Variants in CDKAL1 observed in about 807,000 individuals in gnomAD.
CDKAL1 encodes the protein threonylcarbamoyladenosine tRNA methylthiotransferase.
A neutral mutation model predicts 68.2 loss-of-function variants in CDKAL1; 32 were observed. That is an observed-to-expected ratio of 0.47 (90% CI 0.35 to 0.63). The LOEUF is 0.63. Among genes scored for constraint, CDKAL1 ranks in the 30% least tolerant of loss-of-function variants. The pLI is 0.00. For synonymous variants in CDKAL1, 234 were observed against 244.3 expected (o/e 0.96, Z 0.39); for missense variants, 606 against 696.7 (o/e 0.87, Z 1.47).
chr6:21,025,277 G>A (rs1768893345), intron 11 of CDKAL1, among the ~76,000 whole-genome samples: 1 of 152,082 alleles, frequency 6.6e-6, no homozygotes, highest in Non-Finnish European at 1.5e-5. Context: ...TCTTTCATCA[G>A]TGTCATTCAT....
At chr6:20,802,663 C>CT in intron 8 of CDKAL1, among the ~76,000 whole-genome samples, 1 of 152,116 alleles carries the variant, frequency 6.6e-6, no homozygotes, top group Admixed American at 6.5e-5. Context: ...CAAAACAGGC[C>CT]TTACAGTGAT....
chr6:21,093,997 G>A (rs1290666998), intron 12 of CDKAL1, among the ~76,000 whole-genome samples: 1 of 150,238 alleles, frequency 6.7e-6, no homozygotes, highest in Non-Finnish European at 1.5e-5. Context: ...CTACCAAAGT[G>A]CTGGGACTAC....
intron 12 of CDKAL1, among the ~76,000 whole-genome samples, chr6:21,099,774 T>C (rs942769489): frequency 5.3e-5 from 8 of 152,358 alleles, no homozygotes; most frequent in African/African-American, 1.7e-4. Context: ...CCTTTGACTT[T>C]GTCTTTTTAT....
At chr6:20,932,732 C>T (rs755675434) in intron 9 of CDKAL1, among the ~76,000 whole-genome samples, 30 of 152,194 alleles carry the variant, frequency 2.0e-4, no homozygotes, top group Middle Eastern at 3.4e-3. Context: ...CTTGCCAACA[C>T]CAAAAATGTT....
intron 4 of CDKAL1, among the ~76,000 whole-genome samples, chr6:20,610,702 TAATAA>T (rs1766581765): frequency 6.6e-6 from 1 of 151,994 alleles, no homozygotes; most frequent in Non-Finnish European, 1.5e-5. Flanking sequence ...AAACAAACAT[TAATAA>T]AATATAAAAG....
chr6:20,635,222 T>C (rs1268416155), intron 4 of CDKAL1, among the ~76,000 whole-genome samples: 3 of 152,126 alleles, frequency 2.0e-5, no homozygotes, highest in Non-Finnish European at 4.4e-5. Flanking sequence ...GAGGCACTGA[T>C]GGAAGACTGG....
intron 12 of CDKAL1, among the ~76,000 whole-genome samples, chr6:21,075,729 A>T (rs1772035996): frequency 6.6e-6 from 1 of 152,156 alleles, no homozygotes; most frequent in African/African-American, 2.4e-5. Flanking sequence ...CATTTGAAGT[A>T]ATTCCAGTAG....
intron 5 of CDKAL1, among the ~76,000 whole-genome samples, chr6:20,730,422 GA>G (rs1772859426): frequency 7.3e-6 from 1 of 136,566 alleles, no homozygotes; most frequent in African/African-American, 2.8e-5. Context: ...AGAAAGAAAA[GA>G]AAGGAAGAAA....
chr6:21,000,414 CT>C, intron 11 of CDKAL1, 42 bp downstream of exon 11: 1 of 1,546,450 alleles, frequency 6.5e-7, no homozygotes, highest in Non-Finnish European at 8.8e-7. Context: ...TTTCTTTTTT[CT>C]TTCAAAAGCT....
rs187992793 is a variant in CDKAL1 at position 20,553,154 on chromosome 6, G to A, written c.286+4449G>A. Among the ~76,000 whole-genome samples, 223 of 152,254 alleles carry A rather than the reference G, an allele frequency of 1.5e-3. 2 individuals carry two copies. In the South Asian group the frequency reaches 0.02, roughly 13 times the overall value. On this transcript the variant is annotated intron_variant, in intron 4 of 15. Coordinates refer to ENST00000274695, the MANE Select transcript of CDKAL1 (RefSeq NM_017774.3). Reference sequence around the variant, plus strand: ...ATCATTTGGGGAAGAAAGATTATGTGGGTATGTATTTGAAATTGCTGCTTT... The same window carrying A: ...ATCATTTGGGGAAGAAAGATTATGTAGGTATGTATTTGAAATTGCTGCTTT...
rs186701715 is a variant in CDKAL1, at chr6:20,575,385, G to A, written c.286+26680G>A. On this transcript the variant is annotated intron_variant, in intron 4 of 15. Transcript: ENST00000274695. ...ATTATGTCTGCGGGGACCATCTGCT[G>A]TGGTTCCCAGTCTTGTCAGTGTGAT... Among the ~76,000 whole-genome samples the A allele has an allele frequency of 2.0e-5, 3 of 146,366 alleles. No homozygotes were observed. In the South Asian group the frequency reaches 6.4e-4, roughly 31 times the overall value.
At chr6:20,587,177 C>T (rs1001948631) in intron 4 of CDKAL1, among the ~76,000 whole-genome samples, 1 of 151,504 alleles carries the variant, frequency 6.6e-6, no homozygotes, top group Non-Finnish European at 1.5e-5. Flanking sequence ...AGTAGAGACG[C>T]GGTTTTGCCA....
intron 4 of CDKAL1, among the ~76,000 whole-genome samples, chr6:20,550,593 T>C (rs1763779567): frequency 6.6e-6 from 1 of 152,178 alleles, no homozygotes; most frequent in Admixed American, 6.5e-5. Context: ...GGGCAGTCAA[T>C]ATGCTTGCTC....
At chr6:21,040,352 G>GTACCC (rs1769849646) in intron 11 of CDKAL1, among the ~76,000 whole-genome samples, 1 of 152,120 alleles carries the variant, frequency 6.6e-6, no homozygotes. Flanking sequence ...AAAATAATGG[G>GTACCC]CTGAAGTCTT....
At chr6:20,569,731 T>A (rs1274671665) in intron 4 of CDKAL1, among the ~76,000 whole-genome samples, 1 of 152,236 alleles carries the variant, frequency 6.6e-6, no homozygotes, top group Non-Finnish European at 1.5e-5. Context: ...GAAATTTCAG[T>A]TGATTATATT....
At chr6:20,692,436 G>A (rs1770912126) in intron 5 of CDKAL1, among the ~76,000 whole-genome samples, 2 of 152,052 alleles carry the variant, frequency 1.3e-5, no homozygotes. Context: ...AATTATCTCT[G>A]GTTTTCTTCA....
intron 8 of CDKAL1, among the ~76,000 whole-genome samples, chr6:20,820,141 G>A (rs1341434939): frequency 6.6e-6 from 1 of 152,138 alleles, no homozygotes; most frequent in Admixed American, 6.5e-5. Context: ...GGAGGGTCAT[G>A]GGCCTCAAAG....
At chr6:20,735,045 A>G (rs1020393123) in intron 5 of CDKAL1, among the ~76,000 whole-genome samples, 2 of 150,642 alleles carry the variant, frequency 1.3e-5, no homozygotes. Flanking sequence ...ATTTTTTTGT[A>G]TTTTTAGTAG....
At chr6:20,630,297 T>A (rs1254014067) in intron 4 of CDKAL1, among the ~76,000 whole-genome samples, 1 of 152,160 alleles carries the variant, frequency 6.6e-6, no homozygotes, top group Non-Finnish European at 1.5e-5. Context: ...TCATCCTGTG[T>A]GTGCCCTGAC....
Sources: gnomAD v4.1 joint callset for allele counts (sites outside exome capture counted in the v4.1 genomes callset) on GRCh38, gnomAD v4.1.1 for gene constraint, MANE v1.5 for transcripts, NCBI Gene and HGNC (gene_info 2026-07-23, HGNC 2026-07-21) for gene names.